SPTB: variants seen among roughly 807,000 people sequenced by gnomAD.
The protein encoded by SPTB is spectrin beta, erythrocytic.
In SPTB, 45 loss-of-function variants were observed where a neutral mutation model predicts 256.2. That is an observed-to-expected ratio of 0.18 (90% CI 0.14 to 0.23). The LOEUF is 0.23. Among genes scored for constraint, SPTB ranks in the 10% least tolerant of loss-of-function variants. SPTB has a pLI of 1.00. For synonymous variants in SPTB, 1,231 were observed against 1,243.1 expected, an observed-to-expected ratio of 0.99 and a Z score of 0.21; for missense variants, 2,715 against 3,040.4, an observed-to-expected ratio of 0.89 and a Z score of 2.52.
rs774553209 is a variant in SPTB at position 64,803,591 on chromosome 14, C to A, written c.474+16G>T. Reference sequence around the variant, plus strand: ...TTGAGGGCTCCCTCGACTTCCTCTACCCCCCAGGAACCCACCTGGAAGCGG... The same window carrying A: ...TTGAGGGCTCCCTCGACTTCCTCTAACCCCCAGGAACCCACCTGGAAGCGG... On this transcript the variant is annotated intron_variant, in intron 4 of 35. Coordinates refer to ENST00000644917, the MANE Select transcript of SPTB (RefSeq NM_001355436.2). 1.9e-6 allele frequency: 3 copies of A among 1,613,616 alleles called. No individual in the cohort carries two copies. Among genetic ancestry groups the A allele is most frequent in the Non-Finnish European group, 2.5e-6 (3 of 1,179,738 alleles).
At position 64,772,738 on chromosome 14, in the gene SPTB, G is replaced by A. The variant is rs2082297069; in HGVS notation, c.5395C>T (p.Leu1799=). The change falls in exon 26 of 36, where the codon CTG becomes TTG. Residue 1799 remains leucine (L), a synonymous_variant. Transcript: ENST00000644917. This position sits in a 1 kb window ranked among gnomAD's most constrained non-coding sequence, Gnocchi z 5.4. ...GCACCCGTGTAGAAGTAGCGGTGCA[G>A]GTCATAGGAGGCGGCCAGCAGCTGC... is the stretch of plus-strand genomic sequence containing the variant. ...RMQLLAASYD[L]HRYFYTGAEI... is the part of the protein sequence containing the mutation. The A allele has an allele frequency of 6.2e-7, 1 of 1,613,958 alleles. No homozygotes were observed. Among genetic ancestry groups the A allele is most frequent in the East Asian group, 2.2e-5 (1 of 44,882 alleles).
rs1272470660 is a variant in SPTB at position 64,852,212 on chromosome 14, G to A, written c.-52+27580C>T. The stretch of plus-strand genomic sequence containing the variant: ...AGAGCTGAGCCTTTGGGAGGAACAG[G>A]AGTTATCCAGGCACACTTGGGGGTG... On this transcript the variant is annotated intron_variant, in intron 1 of 35. Coordinates refer to ENST00000644917, the MANE Select transcript of SPTB (RefSeq NM_001355436.2). The surrounding 1 kb of genome is among the most constrained non-coding windows in gnomAD (Gnocchi z 4.2). Among the ~76,000 whole-genome samples the A allele has an allele frequency of 6.6e-6, 1 of 152,110 alleles. No individual in the cohort carries two copies. Among genetic ancestry groups the A allele is most frequent in the Non-Finnish European group, 1.5e-5 (1 of 68,020 alleles).
rs1369788122 is a variant in SPTB at position 64,801,388 on chromosome 14, G to C, written c.660C>G (p.Ile220Met). Residue 220 changes from isoleucine to methionine, a missense_variant, in exon 7 of 36, where the codon ATC (isoleucine) becomes ATG (methionine). Physicochemically the swap from Ile to Met is conservative, Grantham distance 10 (BLOSUM62 1). Transcript: ENST00000644917. ...ALIHKHRPDL[I>M]DFDKLKDSNA... is the part of the protein sequence containing the mutation. The stretch of plus-strand genomic sequence containing the variant: ...TGGAGTCCTTCAGCTTATCAAAGTC[G>C]ATCAGGTCGGGCCTGGGGACAAAAC... The C allele has an allele frequency of 6.2e-7, 1 of 1,613,934 alleles. No homozygotes were observed. The highest frequency in any genetic ancestry group is 8.5e-7 in the Non-Finnish European group (1 of 1,179,928).
At chr14:64,848,101 G>C (rs1210277461) in intron 1 of SPTB, among the ~76,000 whole-genome samples, 1 of 152,072 alleles carries the variant, frequency 6.6e-6, no homozygotes, top group African/African-American at 2.4e-5. Flanking sequence ...GAAGTTTTAT[G>C]TTTCACTTTC....
At position 64,786,959 on chromosome 14, in the gene SPTB, A is replaced by T; in HGVS notation, c.3006T>A (p.Arg1002=). 1 of 1,613,982 alleles carries T rather than the reference A, an allele frequency of 6.2e-7. No homozygotes were observed. Among genetic ancestry groups the T allele is most frequent in the Non-Finnish European group, 8.5e-7 (1 of 1,180,022 alleles). ...CACGGGCCTGGATGGCGGCCACGTCACGCTCCAGCCCTGACAACTTCCTCT... is the reference window on the plus strand; with the variant it reads ...CACGGGCCTGGATGGCGGCCACGTCTCGCTCCAGCCCTGACAACTTCCTCT... The part of the protein sequence containing the change: ...AIQRKLSGLE[R]DVAAIQARVD... Residue 1002 remains arginine, a synonymous_variant, in exon 16 of 36, where the codon CGT becomes CGA. Transcript: ENST00000644917. The surrounding 1 kb of genome is among the most constrained non-coding windows in gnomAD (Gnocchi z 5.6).
intron 1 of SPTB, among the ~76,000 whole-genome samples, chr14:64,875,112 T>C (rs1594865490): frequency 6.6e-6 from 1 of 152,216 alleles, no homozygotes; most frequent in Admixed American, 6.5e-5. Context: ...TAAAACATTA[T>C]GGCAAAGCCT....
chr14:64,784,458 G>A (rs2082527235), intron 18 of SPTB, 65 bp from the exon 19 acceptor site: 1 of 1,597,832 alleles, frequency 6.3e-7, no homozygotes. Flanking sequence ...AGAACCTGCT[G>A]CCCATCCCTG....
rs893397318 is a variant in SPTB, at chr14:64,775,560, C to T, written c.4564-157G>A. 9.2e-5 allele frequency among the ~76,000 whole-genome samples: 14 copies of T among 152,242 alleles called. No homozygotes were observed. The highest frequency in any genetic ancestry group is 2.7e-4 in the African/African-American group (11 of 41,458). ...GATAAGAACTACCAATGACCTCTTG[C>T]GGGCTGCTAAGCACCTCATGTGCAC... is the stretch of plus-strand genomic sequence containing the variant. On this transcript the variant is annotated intron_variant, in intron 22 of 35. Transcript: ENST00000644917. This position sits in a 1 kb window ranked among gnomAD's most constrained non-coding sequence, Gnocchi z 5.0.
rs149693534 is a variant in SPTB, at chr14:64,826,730, G to C, written c.-51-3585C>G. On this transcript the variant is annotated intron_variant, in intron 1 of 35. Transcript: ENST00000644917. The surrounding 1 kb of genome is among the most constrained non-coding windows in gnomAD (Gnocchi z 4.4). ...TGTAGGTGGGTCTTCTCTGGTCTCCGTGACTCTGTGCCCAGAGAGGTCCAC... is the reference window on the plus strand; with the variant it reads ...TGTAGGTGGGTCTTCTCTGGTCTCCCTGACTCTGTGCCCAGAGAGGTCCAC... Among the ~76,000 whole-genome samples the C allele has an allele frequency of 7.4e-4, 112 of 152,148 alleles. No individual in the cohort carries two copies. Among genetic ancestry groups the C allele is most frequent in the Admixed American group, 1.4e-3 (22 of 15,292 alleles).
chr14:64,850,883 T>C (rs2083772919), intron 1 of SPTB, among the ~76,000 whole-genome samples: 1 of 152,190 alleles, frequency 6.6e-6, no homozygotes, highest in South Asian at 2.1e-4. Context: ...TTCAACAGGG[T>C]GACAACTGAA....
intron 32 of SPTB, chr14:64,754,122 G>T (rs963326633): frequency 4.7e-5 from 21 of 446,672 alleles, no homozygotes; most frequent in African/African-American, 4.0e-4. Context: ...CATTAAAGGG[G>T]TGTGAGGGGG....
chr14:64,749,708 A>G lies in SPTB; in HGVS notation c.6777-12T>C. On this transcript the variant is annotated splice_polypyrimidine_tract_variant and intron_variant, in intron 34 of 35. Coordinates refer to ENST00000644917, the MANE Select transcript of SPTB (RefSeq NM_001355436.2). The surrounding 1 kb of genome is among the most constrained non-coding windows in gnomAD (Gnocchi z 4.7). ...TGCCATTACTCAGCCTAGGAGGACA[A>G]AGGGTTTCCTGTCATGGAGACACCT... The G allele has an allele frequency of 6.2e-7, 1 of 1,613,550 alleles. No individual in the cohort carries two copies. The highest frequency in any genetic ancestry group is 8.5e-7 in the Non-Finnish European group (1 of 1,179,840).
At chr14:64,757,741 C>T (rs1213070987) in intron 32 of SPTB, among the ~76,000 whole-genome samples, 1 of 152,108 alleles carries the variant, frequency 6.6e-6, no homozygotes, top group East Asian at 1.9e-4. Context: ...TTCTTCCCCT[C>T]CTCAGCTCCC....
chr14:64,822,996 G>T lies in SPTB; in HGVS notation c.99C>A (p.Asp33Glu). The T allele has an allele frequency of 6.2e-7, 1 of 1,614,068 alleles. No individual in the cohort carries two copies. Among genetic ancestry groups the T allele is most frequent in the Non-Finnish European group, 8.5e-7 (1 of 1,180,020 alleles). ...WDAPDDELDN[D>E]NSSARLFERS... Reference sequence around the variant, plus strand: ...TCTCAAAGAGCCTGGCTGAGCTGTTGTCATTATCCAGCTCGTCGTCTGGGG... The same window carrying T: ...TCTCAAAGAGCCTGGCTGAGCTGTTTTCATTATCCAGCTCGTCGTCTGGGG... The change falls in exon 2 of 36, where the codon GAC becomes GAA. Residue 33 changes from aspartate (D) to glutamate (E), a missense_variant. By Grantham distance (45) the Asp-to-Glu change is conservative. This residue lies in a region of SPTB where 58 missense variants were observed against 67.9 expected (regional missense o/e 0.85). Coordinates refer to ENST00000644917, the MANE Select transcript of SPTB (RefSeq NM_001355436.2).
At chr14:64,776,734 G>A (rs960238244) in intron 22 of SPTB, among the ~76,000 whole-genome samples, 3 of 152,174 alleles carry the variant, frequency 2.0e-5, no homozygotes, top group Admixed American at 6.5e-5. Flanking sequence ...GAACCACTGC[G>A]CCCGGCCTAA....
At chr14:64,818,609 C>T (rs1220065569) in intron 2 of SPTB, among the ~76,000 whole-genome samples, 1 of 152,134 alleles carries the variant, frequency 6.6e-6, no homozygotes, top group East Asian at 1.9e-4. Flanking sequence ...GCAGATGCCT[C>T]CTCTGGGGTG....
chr14:64,865,822 C>G (rs1488983458), intron 1 of SPTB, among the ~76,000 whole-genome samples: 1 of 152,190 alleles, frequency 6.6e-6, no homozygotes, highest in Non-Finnish European at 1.5e-5. Flanking sequence ...TTTGATTCTA[C>G]CATCTTACTT....
intron 1 of SPTB, among the ~76,000 whole-genome samples, chr14:64,876,232 C>T (rs1052900842): frequency 6.6e-6 from 1 of 152,170 alleles, no homozygotes; most frequent in Admixed American, 6.5e-5. Context: ...ACCTCTACCG[C>T]CCAGGTTCGA....
rs769460523 is a variant in SPTB at position 64,772,947 on chromosome 14, C to A, written c.5186G>T (p.Arg1729Leu). ...GQDFDHVTLL[R>L]DKFRDFARET... is the part of the protein sequence containing the mutation. ...CCGGGCAAAGTCCCGGAACTTGTCC[C>A]GCAGAAGCTAGGCATGGGGCAGACA... Residue 1729 changes from arginine to leucine, a missense_variant, in exon 26 of 36, where the codon CGG (arginine) becomes CTG (leucine). Transcript: ENST00000644917. The surrounding 1 kb of genome is among the most constrained non-coding windows in gnomAD (Gnocchi z 5.4). 1 of 1,600,606 alleles carries A rather than the reference C, an allele frequency of 6.2e-7. No homozygotes were observed. The highest frequency in any genetic ancestry group is 2.2e-5 in the East Asian group (1 of 44,654).
Sources: gnomAD v4.1 joint callset for allele counts (sites outside exome capture counted in the v4.1 genomes callset) on GRCh38, gnomAD v4.1.1 for gene constraint, gnomAD v4.1.1 regional missense constraint, Gnocchi (gnomAD v3.1) non-coding constraint, MANE v1.5 for transcripts, NCBI Gene and HGNC (gene_info 2026-07-23, HGNC 2026-07-21) for gene names.